The following PDGFC variants were observed in gnomAD, a reference collection of about 807,000 sequenced individuals.
PDGFC encodes platelet-derived growth factor C.
In PDGFC, 12 loss-of-function variants were observed where a neutral mutation model predicts 35.5. The ratio of observed to expected loss-of-function variants is 0.34; its 90% CI spans 0.22 to 0.55. The LOEUF is 0.55. Among genes scored for constraint, PDGFC ranks in the 20% least tolerant of loss-of-function variants. The probability of loss-of-function intolerance (pLI) is 0.91; values close to 1 mark genes in which losing one functional copy is unlikely to be tolerated. For synonymous variants in PDGFC, 159 were observed against 148.8 expected, an observed-to-expected ratio of 1.07 and a Z score of -0.50; for missense variants, 322 against 412.4, an observed-to-expected ratio of 0.78 and a Z score of 1.90.
intron 1 of PDGFC, among the ~76,000 whole-genome samples, chr4:156,960,252 TTATATATA>T (rs202066963): frequency 1.5e-5 from 2 of 137,118 alleles, no homozygotes; most frequent in Non-Finnish European, 3.1e-5. Flanking sequence ...TATATAACTG[TTATATATA>T]TATATATATA....
At chr4:156,882,094 T>C (rs965916671) in intron 1 of PDGFC, among the ~76,000 whole-genome samples, 4 of 152,102 alleles carry the variant, frequency 2.6e-5, no homozygotes, top group African/African-American at 9.7e-5. Context: ...ACGCAATAAA[T>C]TTGAAGTATG....
At chr4:156,827,766 A>C (rs562771453) in intron 2 of PDGFC, among the ~76,000 whole-genome samples, 1 of 152,314 alleles carries the variant, frequency 6.6e-6, no homozygotes, top group South Asian at 2.1e-4. Flanking sequence ...TTTGCCAGAA[A>C]ATTTTATTAT....
intron 1 of PDGFC, among the ~76,000 whole-genome samples, chr4:156,945,697 G>A (rs865964765): frequency 2.0e-5 from 3 of 151,866 alleles, no homozygotes; most frequent in African/African-American, 7.2e-5. Flanking sequence ...ATTTGGTCAG[G>A]ATGCTGGCTA....
intron 3 of PDGFC, among the ~76,000 whole-genome samples, chr4:156,785,872 G>A (rs1468315982): frequency 1.3e-5 from 2 of 152,088 alleles, no homozygotes; most frequent in Non-Finnish European, 2.9e-5. Flanking sequence ...TTCCCACAAA[G>A]TTCAAGGTCA....
At chr4:156,969,835 G>GA (rs1732551210) in intron 1 of PDGFC, among the ~76,000 whole-genome samples, 1 of 152,156 alleles carries the variant, frequency 6.6e-6, no homozygotes, top group Non-Finnish European at 1.5e-5. Context: ...TCCAATTTTA[G>GA]ACAGCCTAAC....
At chr4:156,814,088 T>C (rs1483947809) in intron 2 of PDGFC, among the ~76,000 whole-genome samples, 1 of 151,478 alleles carries the variant, frequency 6.6e-6, no homozygotes, top group Admixed American at 6.6e-5. Context: ...AGGCATGCTC[T>C]TTCTAGTTTT....
At chr4:156,912,985 T>C (rs897115279) in intron 1 of PDGFC, among the ~76,000 whole-genome samples, 1 of 152,164 alleles carries the variant, frequency 6.6e-6, no homozygotes, top group Non-Finnish European at 1.5e-5. Flanking sequence ...ATTTTGGACA[T>C]AAGCTTCCAG....
At chr4:156,836,288 A>G (rs1729061664) in intron 2 of PDGFC, among the ~76,000 whole-genome samples, 1 of 152,176 alleles carries the variant, frequency 6.6e-6, no homozygotes, top group Non-Finnish European at 1.5e-5. Flanking sequence ...GTTTCAGTGA[A>G]TCGGTAGGCA....
At chr4:156,887,016 G>T (rs1342008319) in intron 1 of PDGFC, among the ~76,000 whole-genome samples, 1 of 152,022 alleles carries the variant, frequency 6.6e-6, no homozygotes. Context: ...TATTTTATTA[G>T]AATTTTTGTA....
chr4:156,837,289 G>T (rs1421057283), intron 2 of PDGFC, among the ~76,000 whole-genome samples: 2 of 152,204 alleles, frequency 1.3e-5, no homozygotes, highest in East Asian at 3.9e-4. Flanking sequence ...TGAGGCAGGA[G>T]AATCCCTTGA....
At chr4:156,957,920 C>A (rs1483177166) in intron 1 of PDGFC, among the ~76,000 whole-genome samples, 1 of 151,964 alleles carries the variant, frequency 6.6e-6, no homozygotes, top group Admixed American at 6.6e-5. Flanking sequence ...AGGTTTCCAG[C>A]TGCCAAAATC....
At position 156,761,334 on chromosome 4, in the gene PDGFC, A is replaced by G. The variant is rs986815036; in HGVS notation, c.*1756T>C. 6.6e-6 allele frequency: 1 copy of G among 152,222 alleles called. No homozygotes were observed. Among genetic ancestry groups the G allele is most frequent in the Non-Finnish European group, 1.5e-5 (1 of 68,040 alleles). 9.4% of individuals were successfully genotyped at this position (152,222 alleles called of 1,614,324 possible). A position where few individuals can be genotyped will look rare whatever the true frequency, so the allele number is the denominator to read the frequency against. On this transcript the variant is annotated 3_prime_UTR_variant, in exon 6 of 6. Coordinates refer to ENST00000502773, the MANE Select transcript of PDGFC (RefSeq NM_016205.3). ...AACCTGCAAGTTTTTTTCCAGTTTC[A>G]TACTACCATACCACCTATCACCAAG...
chr4:156,905,812 T>A (rs1281961877), intron 1 of PDGFC, among the ~76,000 whole-genome samples: 1 of 151,858 alleles, frequency 6.6e-6, no homozygotes, highest in African/African-American at 2.4e-5. Flanking sequence ...CCCAAGGGCT[T>A]ACATCTACAC....
chr4:156,789,573 T>C (rs571002752), intron 3 of PDGFC, among the ~76,000 whole-genome samples: 1 of 152,146 alleles, frequency 6.6e-6, no homozygotes, highest in Non-Finnish European at 1.5e-5. Context: ...CTAGCTGCTT[T>C]TATTGAAAAT....
chr4:156,968,294 T>C (rs1249995429), intron 1 of PDGFC, among the ~76,000 whole-genome samples: 2 of 152,034 alleles, frequency 1.3e-5, no homozygotes, highest in African/African-American at 4.8e-5. Flanking sequence ...ATATATCAAT[T>C]TGGACATTTC....
chr4:156,793,594 T>G (rs2110889114), intron 3 of PDGFC, among the ~76,000 whole-genome samples: 1 of 149,132 alleles, frequency 6.7e-6, no homozygotes, highest in Non-Finnish European at 1.5e-5. Context: ...TGTGTGTGTA[T>G]ACATGATCAC....
At chr4:156,824,148 A>T (rs906818972) in intron 2 of PDGFC, among the ~76,000 whole-genome samples, 1 of 151,782 alleles carries the variant, frequency 6.6e-6, no homozygotes, top group Non-Finnish European at 1.5e-5. Flanking sequence ...TGTAGGAATA[A>T]GTTTTAGTAA....
chr4:156,970,075 T>C (rs998624162), intron 1 of PDGFC, among the ~76,000 whole-genome samples: 3 of 151,742 alleles, frequency 2.0e-5, no homozygotes, highest in Non-Finnish European at 4.4e-5. Flanking sequence ...CATCTGAGAG[T>C]TTTCTAAACA....
chr4:156,873,511 T>C (rs1269498803), intron 1 of PDGFC, among the ~76,000 whole-genome samples: 1 of 152,234 alleles, frequency 6.6e-6, no homozygotes, highest in Non-Finnish European at 1.5e-5. Flanking sequence ...AAATATTCAG[T>C]ATACATAAAT....
Sources: gnomAD v4.1 joint callset for allele counts (sites outside exome capture counted in the v4.1 genomes callset) on GRCh38, gnomAD v4.1.1 for gene constraint, MANE v1.5 for transcripts, NCBI Gene and HGNC (gene_info 2026-07-23, HGNC 2026-07-21) for gene names.